The following CDC14B variants were observed in gnomAD, a reference collection of about 807,000 sequenced individuals.
CDC14B encodes dual specificity protein phosphatase CDC14B.
Under a neutral mutation model 64.2 loss-of-function variants are expected in CDC14B, and 22 were observed. The ratio of observed to expected loss-of-function variants is 0.34; its 90% CI spans 0.24 to 0.49. CDC14B has a LOEUF of 0.49. CDC14B is among the 20% of genes least tolerant of loss of function. The probability of loss-of-function intolerance (pLI) is 0.99; values close to 1 mark genes in which losing one functional copy is unlikely to be tolerated. For missense variants in CDC14B, 498 were observed against 629.9 expected (o/e 0.79, Z 2.24); for synonymous variants, 191 against 215.8 (o/e 0.89, Z 1.01).
rs1434296755 is a variant in CDC14B, at chr9:96,619,478, G to A, written c.-100C>T. 1.6e-6 allele frequency: 1 copy of A among 632,284 alleles called. No homozygotes were observed. Among genetic ancestry groups the A allele is most frequent in the East Asian group, 1.4e-4 (1 of 7,106 alleles). 39.2% of individuals were successfully genotyped at this position (632,284 alleles called of 1,614,324 possible). On this transcript the variant is annotated 5_prime_UTR_variant, in exon 1 of 14. Transcript: ENST00000375241. ...GCCCCGCGCGGGCGCTCGGGGCGGC[G>A]GGCGCAGAGCGGCGCTGCGGGGACG...
chr9:96,596,364 CAA>C (rs113025946), intron 1 of CDC14B, among the ~76,000 whole-genome samples: 1 of 74,060 alleles, frequency 1.4e-5, no homozygotes. Context: ...GACTCCATCT[CAA>C]AAAAAAAAAA....
rs995534226 is a variant in CDC14B at position 96,500,665 on chromosome 9, A to G, written c.*3088T>C. On this transcript the variant is annotated 3_prime_UTR_variant, in exon 14 of 14. Transcript: ENST00000375241. ...CTCTCCAGGGCAGTTTCAGCGGGAG[A>G]GAACATTTAAAGGAACAATAAAATA... 8 of 152,664 alleles carry G rather than the reference A, an allele frequency of 5.2e-5. No homozygotes were observed. Among genetic ancestry groups the G allele is most frequent in the East Asian group, 3.8e-4 (2 of 5,204 alleles). 9.5% of individuals were successfully genotyped at this position (152,664 alleles called of 1,614,324 possible). A position where few individuals can be genotyped will look rare whatever the true frequency, so the allele number is the denominator to read the frequency against.
chr9:96,601,809 A>ACAAAAACAAAACAAAAC (rs1846490844), intron 1 of CDC14B, among the ~76,000 whole-genome samples: 2 of 149,788 alleles, frequency 1.3e-5, no homozygotes, highest in East Asian at 2.0e-4. Context: ...AAAAAAAAAA[A>ACAAAAACAAAACAAAAC]AAAAAATTGG....
At chr9:96,593,765 CT>C (rs1306050844) in intron 1 of CDC14B, among the ~76,000 whole-genome samples, 1 of 152,104 alleles carries the variant, frequency 6.6e-6, no homozygotes, top group Non-Finnish European at 1.5e-5. Context: ...CAGACAGTTG[CT>C]GGCATCCAAC....
chr9:96,519,359 T>G (rs1836284439), intron 12 of CDC14B, among the ~76,000 whole-genome samples: 1 of 152,160 alleles, frequency 6.6e-6, no homozygotes, highest in Non-Finnish European at 1.5e-5. Flanking sequence ...GTCATCATTG[T>G]AGTCAGGATC....
chr9:96,546,947 A>G (rs1840992296), intron 5 of CDC14B, among the ~76,000 whole-genome samples: 1 of 151,998 alleles, frequency 6.6e-6, no homozygotes, highest in Non-Finnish European at 1.5e-5. Context: ...CTGTAGTCCC[A>G]GCTACTTGGG....
chr9:96,581,156 G>A (rs898014336), intron 1 of CDC14B, among the ~76,000 whole-genome samples: 1 of 152,194 alleles, frequency 6.6e-6, no homozygotes, highest in Non-Finnish European at 1.5e-5. Flanking sequence ...CTTGAACCCA[G>A]GAGGTGGAGG....
At position 96,541,346 on chromosome 9, in the gene CDC14B, A is replaced by ATT. The variant is rs1214124653; in HGVS notation, c.564+479_564+480insAA. Among the ~76,000 whole-genome samples the ATT allele has an allele frequency of 5.9e-4, 90 of 152,376 alleles. No homozygotes were observed. In the South Asian group the frequency reaches 0.018, roughly 31 times the overall value. ...AGTTTCACATAAAACTGTATAACAA[A>ATT]CTAATTGAGGCATTCAAATTCTGTT... On this transcript the variant is annotated intron_variant, in intron 6 of 13. Transcript: ENST00000375241.
chr9:96,536,292 AAC>A (rs1839255105), intron 7 of CDC14B, among the ~76,000 whole-genome samples: 2 of 152,324 alleles, frequency 1.3e-5, no homozygotes, highest in East Asian at 3.9e-4. Flanking sequence ...CTACAGTAGT[AAC>A]AGGGGAGTTA....
intron 1 of CDC14B, among the ~76,000 whole-genome samples, chr9:96,582,874 T>C (rs767963173): frequency 7.2e-5 from 11 of 152,170 alleles, no homozygotes; most frequent in Non-Finnish European, 1.5e-4. Context: ...TTCCTCTTAC[T>C]AATTTTATAT....
chr9:96,563,315 T>C (rs56259668), intron 3 of CDC14B, among the ~76,000 whole-genome samples: 7,950 of 152,270 alleles, frequency 0.052, 703 homozygotes, highest in African/African-American at 0.18. Flanking sequence ...TGAAAGTTTA[T>C]TGAGCTCTAC....
At chr9:96,575,064 T>C (rs554804690) in intron 1 of CDC14B, among the ~76,000 whole-genome samples, 1 of 152,336 alleles carries the variant, frequency 6.6e-6, no homozygotes, top group South Asian at 2.1e-4. Flanking sequence ...CCTGAAATCT[T>C]AGTGATGTGA....
intron 13 of CDC14B, among the ~76,000 whole-genome samples, chr9:96,507,005 C>A (rs1402681084): frequency 6.6e-6 from 1 of 152,220 alleles, no homozygotes; most frequent in Non-Finnish European, 1.5e-5. Flanking sequence ...TTAACAAAAG[C>A]CTGAGCGGCC....
chr9:96,541,775 C>T (rs779245725), intron 6 of CDC14B, 51 bp downstream of exon 6: 16 of 1,295,964 alleles, frequency 1.2e-5, no homozygotes, highest in South Asian at 3.2e-5. Flanking sequence ...TTTCTTGGAC[C>T]GCATGTTAGT....
intron 1 of CDC14B, among the ~76,000 whole-genome samples, chr9:96,615,555 A>T (rs1320124461): frequency 6.6e-6 from 1 of 152,218 alleles, no homozygotes; most frequent in African/African-American, 2.4e-5. Flanking sequence ...ATATGCATTA[A>T]TTTTTACAAA....
chr9:96,525,331 C>A (rs951896961), intron 9 of CDC14B, among the ~76,000 whole-genome samples: 1 of 152,100 alleles, frequency 6.6e-6, no homozygotes, highest in Non-Finnish European at 1.5e-5. Context: ...GGCTTTTGGA[C>A]TTCTGACAGC....
chr9:96,543,187 T>C (rs893065482), intron 5 of CDC14B, among the ~76,000 whole-genome samples: 1 of 151,816 alleles, frequency 6.6e-6, no homozygotes, highest in Non-Finnish European at 1.5e-5. Flanking sequence ...ATACGAAAAA[T>C]GAGCCGGGCG....
At chr9:96,519,998 C>T (rs1836429781) in intron 12 of CDC14B, among the ~76,000 whole-genome samples, 1 of 152,102 alleles carries the variant, frequency 6.6e-6, no homozygotes, top group South Asian at 2.1e-4. Context: ...ACTTCTATTC[C>T]TAAAATAACA....
intron 1 of CDC14B, among the ~76,000 whole-genome samples, chr9:96,584,104 G>A (rs542828721): frequency 9.2e-5 from 14 of 152,188 alleles, no homozygotes; most frequent in Non-Finnish European, 1.6e-4. Flanking sequence ...CATAAAAGGG[G>A]TCAGAGTACC....
Sources: gnomAD v4.1 joint callset for allele counts (sites outside exome capture counted in the v4.1 genomes callset) on GRCh38, gnomAD v4.1.1 for gene constraint, MANE v1.5 for transcripts, NCBI Gene and HGNC (gene_info 2026-07-23, HGNC 2026-07-21) for gene names.